Variants in GLIS3 observed in about 807,000 individuals in gnomAD.
GLIS3 encodes zinc finger protein GLIS3.
A neutral mutation model predicts 78.6 loss-of-function variants in GLIS3; 53 were observed. The observed-to-expected ratio is 0.67, with a 90% CI of 0.54 to 0.85. The LOEUF is 0.85. GLIS3 is among the 40% of genes least tolerant of loss of function. The pLI is 0.00. For synonymous variants in GLIS3, 684 were observed against 509.9 expected, an observed-to-expected ratio of 1.34 and a Z score of -4.60; for missense variants, 1,703 against 1,231.1, an observed-to-expected ratio of 1.38 and a Z score of -5.74.
intron 4 of GLIS3, among the ~76,000 whole-genome samples, chr9:4,004,071 G>T (rs1175621808): frequency 6.6e-6 from 1 of 152,150 alleles, no homozygotes; most frequent in African/African-American, 2.4e-5. Context: ...CTGGGGCAAA[G>T]GGAAACCACA....
chr9:3,932,918 C>A, intron 5 of GLIS3: 3 of 314,062 alleles, frequency 9.6e-6, no homozygotes, highest in Non-Finnish European at 6.4e-6. Flanking sequence ...TCAGAAGAAA[C>A]CTGATTCAGA....
At chr9:4,385,378 T>A in the GLIS3 span, among the ~76,000 whole-genome samples, 1 of 152,164 alleles carries the variant, frequency 6.6e-6, no homozygotes, top group Non-Finnish European at 1.5e-5. Flanking sequence ...AAAATACAGT[T>A]CTTGGCCAGG....
rs972312799 is a variant in GLIS3, at chr9:3,919,895, C to T, written c.1983+12465G>A. Reference sequence around the variant, plus strand: ...AACACCCATGAAAATACCCAGCAAACGGGTATTTGGTGATTATTATTGTTG... The same window carrying T: ...AACACCCATGAAAATACCCAGCAAATGGGTATTTGGTGATTATTATTGTTG... On this transcript the variant is annotated intron_variant, in intron 6 of 10. Transcript: ENST00000381971. Among the ~76,000 whole-genome samples, 7 of 151,632 alleles carry T rather than the reference C, an allele frequency of 4.6e-5. No homozygotes were observed. In the East Asian group the frequency reaches 5.8e-4, roughly 13 times the overall value.
At chr9:3,948,109 C>T (rs756372203) in intron 4 of GLIS3, among the ~76,000 whole-genome samples, 4 of 152,246 alleles carry the variant, frequency 2.6e-5, no homozygotes, top group Non-Finnish European at 4.4e-5. Flanking sequence ...ACAACCCACA[C>T]TGGTTCATCA....
At chr9:3,898,396 A>G in intron 7 of GLIS3, 2 of 427,664 alleles carry the variant, frequency 4.7e-6, no homozygotes, top group Non-Finnish European at 8.7e-6. Flanking sequence ...TTCGAGTCTA[A>G]ATCAAGTGAG....
chr9:4,422,894 T>C, the GLIS3 span, among the ~76,000 whole-genome samples: 1 of 152,160 alleles, frequency 6.6e-6, no homozygotes, highest in Non-Finnish European at 1.5e-5. Context: ...AACCCTCAGT[T>C]CCTTTGAACC....
intron 4 of GLIS3, among the ~76,000 whole-genome samples, chr9:4,024,465 C>G (rs1254057076): frequency 6.6e-6 from 1 of 152,148 alleles, no homozygotes; most frequent in Non-Finnish European, 1.5e-5. Context: ...AGGTAGCAGA[C>G]ACAGATGGGG....
Position 4,056,841 on chromosome 9 carries a change from A to G in GLIS3, c.1710+60927T>C, listed in dbSNP as rs114531078. ...AAAGAGTTGGCAAAAGCAGCCGACTAATTGCCCAAATAAGATCATCTTTGG... is the reference window on the plus strand; with the variant it reads ...AAAGAGTTGGCAAAAGCAGCCGACTGATTGCCCAAATAAGATCATCTTTGG... On this transcript the variant is annotated intron_variant, in intron 4 of 10. Coordinates refer to ENST00000381971, the MANE Select transcript of GLIS3 (RefSeq NM_001042413.2). 7.8e-3 allele frequency among the ~76,000 whole-genome samples: 1,189 copies of G among 151,880 alleles called. 15 individuals carry two copies. The highest frequency in any genetic ancestry group is 0.027 in the African/African-American group (1,134 of 41,388).
intron 4 of GLIS3, among the ~76,000 whole-genome samples, chr9:4,085,695 T>C (rs1828964036): frequency 6.6e-6 from 1 of 152,174 alleles, no homozygotes; most frequent in Non-Finnish European, 1.5e-5. Flanking sequence ...ATGAATGGTT[T>C]AGCGCTATCC....
intron 4 of GLIS3, among the ~76,000 whole-genome samples, chr9:4,097,052 C>G (rs1214773374): frequency 6.6e-6 from 1 of 151,970 alleles, no homozygotes; most frequent in Non-Finnish European, 1.5e-5. Flanking sequence ...GGAAAGGAAA[C>G]AAAGGGTGAG....
intron 7 of GLIS3, among the ~76,000 whole-genome samples, chr9:3,894,456 G>A (rs1475071020): frequency 6.6e-6 from 1 of 151,948 alleles, no homozygotes; most frequent in African/African-American, 2.4e-5. Context: ...CTCAATTTAA[G>A]AATGTAGAAA....
chr9:4,017,302 A>T (rs907988681), intron 4 of GLIS3, among the ~76,000 whole-genome samples: 6 of 152,190 alleles, frequency 3.9e-5, no homozygotes, highest in African/African-American at 1.2e-4. Flanking sequence ...ACTAGTCTAT[A>T]CTCTGCAGCA....
At chr9:4,142,686 T>G (rs896625175) in intron 2 of GLIS3, among the ~76,000 whole-genome samples, 15 of 152,186 alleles carry the variant, frequency 9.9e-5, no homozygotes, top group African/African-American at 3.6e-4. Context: ...TCGGGTAATA[T>G]TAGCACCTTA....
intron 2 of GLIS3, among the ~76,000 whole-genome samples, chr9:4,261,104 T>C (rs1410063094): frequency 6.6e-6 from 1 of 152,210 alleles, no homozygotes; most frequent in East Asian, 1.9e-4. Context: ...CTAAATTTTA[T>C]GGCGTTCCAG....
intron 4 of GLIS3, among the ~76,000 whole-genome samples, chr9:3,963,811 AGAAACT>A (rs1020388724): frequency 2.6e-5 from 4 of 152,016 alleles, no homozygotes; most frequent in African/African-American, 9.7e-5. Flanking sequence ...TTCCTGGTAC[AGAAACT>A]GTAAATAAGC....
At chr9:4,402,295 A>G in the GLIS3 span, among the ~76,000 whole-genome samples, 1 of 152,248 alleles carries the variant, frequency 6.6e-6, no homozygotes, top group Non-Finnish European at 1.5e-5. Flanking sequence ...AAACCACAGC[A>G]TTACTGGGCT....
chr9:4,250,080 C>CT (rs1266144788), intron 2 of GLIS3, among the ~76,000 whole-genome samples: 3 of 152,040 alleles, frequency 2.0e-5, no homozygotes, highest in Non-Finnish European at 4.4e-5. Flanking sequence ...CCGAAATTTT[C>CT]TTTTTTTGTT....
chr9:4,445,827 G>C, the GLIS3 span, among the ~76,000 whole-genome samples: 1 of 152,118 alleles, frequency 6.6e-6, no homozygotes, highest in African/African-American at 2.4e-5. Context: ...AGAGATGCTG[G>C]CTGCCAGTTG....
the GLIS3 span, among the ~76,000 whole-genome samples, chr9:4,406,174 T>A: frequency 3.3e-5 from 5 of 152,098 alleles, no homozygotes; most frequent in Non-Finnish European, 5.9e-5. Context: ...ACAACAAAGA[T>A]GCCCACTTTC....
Sources: gnomAD v4.1 joint callset for allele counts (sites outside exome capture counted in the v4.1 genomes callset) on GRCh38, gnomAD v4.1.1 for gene constraint, MANE v1.5 for transcripts, NCBI Gene and HGNC (gene_info 2026-07-23, HGNC 2026-07-21) for gene names.